NWD2: variants seen among roughly 807,000 people sequenced by gnomAD.
The protein encoded by NWD2 is NACHT and WD repeat domain containing 2, also known as NACHT and WD repeat domain-containing protein 2.
In NWD2, 37 loss-of-function variants were observed where a neutral mutation model predicts 132.7. The ratio of observed to expected loss-of-function variants is 0.28; its 90% CI spans 0.21 to 0.37. The LOEUF (loss-of-function observed/expected upper bound fraction) is 0.37. Among genes scored for constraint, NWD2 ranks in the 10% least tolerant of loss-of-function variants. NWD2 has a pLI of 1.00. For missense variants in NWD2, 1,592 were observed against 2,122.4 expected, an observed-to-expected ratio of 0.75 and a Z score of 4.91; for synonymous variants, 705 against 803.0, an observed-to-expected ratio of 0.88 and a Z score of 2.06.
intron 3 of NWD2, among the ~76,000 whole-genome samples, chr4:37,428,178 T>G (rs142125670): frequency 1.3e-5 from 2 of 152,346 alleles, no homozygotes; most frequent in Non-Finnish European, 2.9e-5. Flanking sequence ...ATCTTTCAGC[T>G]GCCTGTATCA....
chr4:37,383,948 T>C (rs541640663), intron 3 of NWD2, among the ~76,000 whole-genome samples: 35 of 152,304 alleles, frequency 2.3e-4, no homozygotes, highest in African/African-American at 7.7e-4. Context: ...TTCACCCCTT[T>C]TTATTTTTTT....
At chr4:37,352,065 C>T (rs148350907) in intron 2 of NWD2, among the ~76,000 whole-genome samples, 57 of 152,176 alleles carry the variant, frequency 3.7e-4, no homozygotes, top group African/African-American at 1.3e-3. Flanking sequence ...GATTTCCATT[C>T]TTTTGCATTT....
chr4:37,257,491 G>A lies in NWD2; in HGVS notation c.151+12273G>A, dbSNP rs74496873. ...ATAATACCTATCTCACAAGGCAGTG[G>A]TGAGAAAGAAATGAAATGCTACACC... is the stretch of plus-strand genomic sequence containing the variant. On this transcript the variant is annotated intron_variant, in intron 1 of 6. Transcript: ENST00000309447. Among the ~76,000 whole-genome samples the A allele has an allele frequency of 7.7e-3, 1,174 of 152,214 alleles. 14 individuals are homozygous for A. Among genetic ancestry groups the A allele is most frequent in the African/African-American group, 0.027 (1,125 of 41,512 alleles).
In NWD2 at chr4:37,381,235, G is replaced by C. The variant is rs149752525; in HGVS notation, c.357+24753G>C. ...CCCAGAGTGAGGTAGAGAGGGCCGA[G>C]TCACTCATATCCCACTTCCTCTTCC... is the stretch of plus-strand genomic sequence containing the variant. On this transcript the variant is annotated intron_variant, in intron 3 of 6. Transcript: ENST00000309447. 3.6e-3 allele frequency among the ~76,000 whole-genome samples: 554 copies of C among 152,248 alleles called. 2 individuals are homozygous for C. The highest frequency in any genetic ancestry group is 0.013 in the African/African-American group (533 of 41,528).
chr4:37,424,557 C>T (rs36080181), intron 3 of NWD2, among the ~76,000 whole-genome samples: 22,858 of 152,118 alleles, frequency 0.15, 2,186 homozygotes, highest in South Asian at 0.2. Flanking sequence ...ACCCACCTGC[C>T]TTGCTTCAGT....
chr4:37,445,201 C>A lies in NWD2; in HGVS notation c.3213C>A (p.Ala1071=), dbSNP rs1230145532. 2 of 1,551,954 alleles carry A rather than the reference C, an allele frequency of 1.3e-6. No individual in the cohort carries two copies. Among genetic ancestry groups the A allele is most frequent in the Non-Finnish European group, 1.7e-6 (2 of 1,147,050 alleles). ...INGFTLSANH[A]LAWLEASKDV... is the part of the protein sequence containing the mutation. The stretch of plus-strand genomic sequence containing the variant: ...GATTTACACTGTCCGCCAACCACGC[C>A]CTTGCATGGCTCGAAGCCAGCAAAG... Residue 1071 remains alanine (A), a synonymous_variant, in exon 7 of 7, where the codon GCC becomes GCA. Transcript: ENST00000309447. The surrounding 1 kb of genome is among the most constrained non-coding windows in gnomAD (Gnocchi z 4.7).
chr4:37,441,854 G>A (rs1170726434), intron 6 of NWD2, among the ~76,000 whole-genome samples: 2 of 152,140 alleles, frequency 1.3e-5, no homozygotes, highest in African/African-American at 4.8e-5. Context: ...TTTATCTCAT[G>A]TGTCACCCAG....
At chr4:37,391,913 T>G (rs1344134060) in intron 3 of NWD2, among the ~76,000 whole-genome samples, 1 of 152,132 alleles carries the variant, frequency 6.6e-6, no homozygotes. Flanking sequence ...TTTAATAAAT[T>G]AAAACACGGG....
At chr4:37,319,086 A>G (rs1473364318) in intron 1 of NWD2, among the ~76,000 whole-genome samples, 1 of 152,190 alleles carries the variant, frequency 6.6e-6, no homozygotes, top group Non-Finnish European at 1.5e-5. Flanking sequence ...ACTAATTTAC[A>G]TTTGCACCAA....
intron 3 of NWD2, among the ~76,000 whole-genome samples, chr4:37,357,535 G>A (rs775825619): frequency 1.3e-5 from 2 of 152,090 alleles, no homozygotes; most frequent in African/African-American, 2.4e-5. Flanking sequence ...GAGTGCTACC[G>A]TGTGCCAAGG....
intron 2 of NWD2, among the ~76,000 whole-genome samples, chr4:37,329,378 C>T (rs899517125): frequency 2.6e-5 from 4 of 152,056 alleles, no homozygotes; most frequent in Admixed American, 2.0e-4. Context: ...TTAAAAATCA[C>T]AGAAAGTAGG....
At chr4:37,286,809 CT>C (rs1449875690) in intron 1 of NWD2, among the ~76,000 whole-genome samples, 4 of 152,056 alleles carry the variant, frequency 2.6e-5, no homozygotes, top group Admixed American at 2.6e-4. Context: ...TGAATTTTTA[CT>C]GCTTGTATTC....
intron 1 of NWD2, among the ~76,000 whole-genome samples, chr4:37,250,756 A>G (rs908111138): frequency 2.6e-5 from 4 of 152,212 alleles, no homozygotes; most frequent in Non-Finnish European, 5.9e-5. Context: ...AATGACAGGG[A>G]TATGTTCTGG....
intron 1 of NWD2, among the ~76,000 whole-genome samples, chr4:37,307,434 C>A (rs1718732293): frequency 6.6e-6 from 1 of 152,030 alleles, no homozygotes; most frequent in Non-Finnish European, 1.5e-5. Context: ...TTTCTTTCAG[C>A]ACTTTAAATA....
intron 1 of NWD2, among the ~76,000 whole-genome samples, chr4:37,301,571 C>T (rs534742743): frequency 6.7e-6 from 1 of 150,338 alleles, no homozygotes; most frequent in Non-Finnish European, 1.5e-5. Context: ...TTGCTCTTTA[C>T]CCTTTTTTTC....
chr4:37,318,331 G>T (rs762112278), intron 1 of NWD2, among the ~76,000 whole-genome samples: 16 of 152,024 alleles, frequency 1.1e-4, no homozygotes, highest in Non-Finnish European at 2.4e-4. Context: ...TGGCCAATCT[G>T]CTCTAATTTC....
chr4:37,363,739 G>A (rs976003444), intron 3 of NWD2, among the ~76,000 whole-genome samples: 8 of 152,122 alleles, frequency 5.3e-5, no homozygotes, highest in African/African-American at 1.4e-4. Flanking sequence ...GGGATCAGTC[G>A]TATCCCAAAC....
intron 5 of NWD2, among the ~76,000 whole-genome samples, chr4:37,438,077 C>G (rs865834533): frequency 2.6e-5 from 4 of 151,624 alleles, no homozygotes; most frequent in Non-Finnish European, 5.9e-5. Flanking sequence ...CTGGCTAACA[C>G]GGTGAAACCC....
At position 37,447,927 on chromosome 4, in the gene NWD2, T is replaced by G. The variant is rs1712682352; in HGVS notation, c.*710T>G. The G allele has an allele frequency of 6.6e-6, 1 of 152,202 alleles. No individual in the cohort carries two copies. The highest frequency in any genetic ancestry group is 2.1e-4 in the South Asian group (1 of 4,832). The allele number at this position is 152,202 out of a possible 1,614,324, so 9.4% of individuals were successfully genotyped here. A position where few individuals can be genotyped will look rare whatever the true frequency, so the allele number is the denominator to read the frequency against. ...ACAGAATATATGATTTTTAAACTATTTCCTGGGTTGCAAAAGAACACATTT... is the reference window on the plus strand; with the variant it reads ...ACAGAATATATGATTTTTAAACTATGTCCTGGGTTGCAAAAGAACACATTT... On this transcript the variant is annotated 3_prime_UTR_variant, in exon 7 of 7. Transcript: ENST00000309447.
Sources: allele counts gnomAD v4.1 joint callset (sites outside exome capture counted in the v4.1 genomes callset), GRCh38; gene constraint gnomAD v4.1.1; non-coding constraint Gnocchi (gnomAD v3.1); transcripts MANE v1.5; gene names NCBI Gene and HGNC (gene_info 2026-07-23, HGNC 2026-07-21).